Variants in RBMS3 observed in about 807,000 individuals in gnomAD.
RBMS3 encodes the protein RNA binding motif single stranded interacting protein 3.
RBMS3 carries 27 observed loss-of-function variants against 66.8 expected under a neutral mutation model. The observed-to-expected ratio is 0.40, with a 90% CI of 0.30 to 0.56. The LOEUF (loss-of-function observed/expected upper bound fraction) is 0.56. Ranked by LOEUF, RBMS3 falls within the 20% of genes least tolerant of loss-of-function variation. RBMS3 has a pLI of 0.40. For missense variants in RBMS3, 513 were observed against 549.5 expected (o/e 0.93, Z 0.66); for synonymous variants, 188 against 183.0 (o/e 1.03, Z -0.22).
At chr3:29,864,175 T>C (rs2059287817) in intron 6 of RBMS3, among the ~76,000 whole-genome samples, 1 of 152,170 alleles carries the variant, frequency 6.6e-6, no homozygotes, top group South Asian at 2.1e-4. Flanking sequence ...ATAGTTTTTC[T>C]AGTAGTAAAA....
intron 1 of RBMS3, among the ~76,000 whole-genome samples, chr3:29,323,577 A>G (rs2035133604): frequency 6.6e-6 from 1 of 152,000 alleles, no homozygotes; most frequent in Non-Finnish European, 1.5e-5. Context: ...GTAGAAAGAA[A>G]CAAACATCAG....
chr3:29,721,309 T>A (rs1055120858), intron 4 of RBMS3, among the ~76,000 whole-genome samples: 1 of 152,148 alleles, frequency 6.6e-6, no homozygotes, highest in Non-Finnish European at 1.5e-5. Context: ...GGAAGCCTTA[T>A]GTATATTTAT....
At chr3:29,631,534 G>T (rs2049281840) in intron 4 of RBMS3, among the ~76,000 whole-genome samples, 1 of 151,680 alleles carries the variant, frequency 6.6e-6, no homozygotes, top group South Asian at 2.1e-4. Context: ...AATAGTTTTA[G>T]AATATTATTA....
At chr3:29,932,273 C>T (rs1289123270) in intron 10 of RBMS3, among the ~76,000 whole-genome samples, 3 of 152,108 alleles carry the variant, frequency 2.0e-5, no homozygotes, top group African/African-American at 7.2e-5. Context: ...ATGTGATTAT[C>T]ACATAAAAGA....
chr3:29,345,302 A>T (rs921483955), intron 1 of RBMS3, among the ~76,000 whole-genome samples: 2 of 152,244 alleles, frequency 1.3e-5, no homozygotes, highest in African/African-American at 4.8e-5. Context: ...AAGAATGAAT[A>T]AATTGTCTCT....
At position 29,809,688 on chromosome 3, in the gene RBMS3, T is replaced by C. The variant is rs1445130933; in HGVS notation, c.637+46699T>C. Among the ~76,000 whole-genome samples, 3 of 152,138 alleles carry C rather than the reference T, an allele frequency of 2.0e-5. No homozygotes were observed. The East Asian group carries it at 5.8e-4, about 29-fold the overall frequency. On this transcript the variant is annotated intron_variant, in intron 6 of 14. Transcript: ENST00000383767. Reference sequence around the variant, plus strand: ...CTGTCACTATCTTCTCACAGATTTTTTTTTAGGAATTAGGAGAAAGTACCT... The same window carrying C: ...CTGTCACTATCTTCTCACAGATTTTCTTTTAGGAATTAGGAGAAAGTACCT...
Position 30,004,928 on chromosome 3 carries a change from A to G in RBMS3, c.*1066A>G, listed in dbSNP as rs1426343089. The G allele has an allele frequency of 2.0e-5, 3 of 150,426 alleles. No individual in the cohort carries two copies. Among genetic ancestry groups the G allele is most frequent in the Non-Finnish European group, 3.0e-5 (2 of 67,472 alleles). 9.3% of individuals were successfully genotyped at this position (150,426 alleles called of 1,614,324 possible). On this transcript the variant is annotated 3_prime_UTR_variant, in exon 15 of 15. Coordinates refer to ENST00000383767, the MANE Select transcript of RBMS3 (RefSeq NM_001003793.3). Reference sequence around the variant, plus strand: ...AAGTAGATAGGAGCTTATGGTCAAAAAGTGCAAAAAAAAAAACAAAAAAAA... The same window carrying G: ...AAGTAGATAGGAGCTTATGGTCAAAGAGTGCAAAAAAAAAAACAAAAAAAA...
At chr3:29,477,522 G>A (rs1050145939) in intron 2 of RBMS3, among the ~76,000 whole-genome samples, 8 of 152,010 alleles carry the variant, frequency 5.3e-5, no homozygotes, top group Non-Finnish European at 1.0e-4. Flanking sequence ...CTCATTGTTA[G>A]GATAAGAAAA....
At chr3:29,465,841 G>A (rs953801396) in intron 2 of RBMS3, among the ~76,000 whole-genome samples, 1 of 152,008 alleles carries the variant, frequency 6.6e-6, no homozygotes, top group African/African-American at 2.4e-5. Flanking sequence ...GATGTGCTTT[G>A]TTATTTTATT....
intron 3 of RBMS3, among the ~76,000 whole-genome samples, chr3:29,494,010 T>C (rs1426673534): frequency 6.6e-6 from 1 of 152,190 alleles, no homozygotes; most frequent in African/African-American, 2.4e-5. Context: ...GCAAAGGCTA[T>C]ACAATTAAAT....
At chr3:29,299,223 T>C (rs1464354212) in intron 1 of RBMS3, among the ~76,000 whole-genome samples, 2 of 151,522 alleles carry the variant, frequency 1.3e-5, no homozygotes, top group Non-Finnish European at 2.9e-5. Flanking sequence ...AGAAACATAA[T>C]ACAGGCACGA....
intron 6 of RBMS3, among the ~76,000 whole-genome samples, chr3:29,783,648 G>C (rs1291848114): frequency 1.3e-5 from 2 of 151,762 alleles, no homozygotes; most frequent in Non-Finnish European, 2.9e-5. Flanking sequence ...TTAAAAAAAA[G>C]TATTTAGTCA....
chr3:29,689,061 A>G (rs1325633976), intron 4 of RBMS3, among the ~76,000 whole-genome samples: 2 of 152,090 alleles, frequency 1.3e-5, no homozygotes, highest in Admixed American at 6.6e-5. Context: ...ACACATCTAT[A>G]TCTATTTCTA....
chr3:29,461,618 G>A (rs763686279), intron 2 of RBMS3, among the ~76,000 whole-genome samples: 7 of 152,164 alleles, frequency 4.6e-5, no homozygotes, highest in Non-Finnish European at 7.3e-5. Flanking sequence ...GTGGTTTTTC[G>A]TTTGTGAGAT....
chr3:29,837,556 T>G (rs2058545300), intron 6 of RBMS3, among the ~76,000 whole-genome samples: 1 of 150,614 alleles, frequency 6.6e-6, no homozygotes, highest in Non-Finnish European at 1.5e-5. Flanking sequence ...CCGTCTGTAT[T>G]GAGCTGCTCA....
At chr3:29,492,211 C>A (rs553115792) in intron 3 of RBMS3, among the ~76,000 whole-genome samples, 4 of 152,114 alleles carry the variant, frequency 2.6e-5, no homozygotes, top group Non-Finnish European at 5.9e-5. Context: ...AAATCATGAT[C>A]AAAAATATAC....
chr3:29,424,533 T>C (rs1329160151), intron 1 of RBMS3, among the ~76,000 whole-genome samples: 1 of 151,984 alleles, frequency 6.6e-6, no homozygotes, highest in Non-Finnish European at 1.5e-5. Flanking sequence ...CATTATGGAG[T>C]TGGGATGAGA....
chr3:29,303,758 T>C (rs2033829572), intron 1 of RBMS3, among the ~76,000 whole-genome samples: 2 of 152,020 alleles, frequency 1.3e-5, no homozygotes, highest in African/African-American at 2.4e-5. Flanking sequence ...GAAACTCTTT[T>C]CATAGCATAT....
At chr3:29,451,279 C>G (rs915221961) in intron 2 of RBMS3, among the ~76,000 whole-genome samples, 1 of 152,056 alleles carries the variant, frequency 6.6e-6, no homozygotes, top group African/African-American at 2.4e-5. Context: ...TTTTTATAAC[C>G]TCAAAATGCT....
Sources: allele counts gnomAD v4.1 joint callset (sites outside exome capture counted in the v4.1 genomes callset), GRCh38; gene constraint gnomAD v4.1.1; transcripts MANE v1.5; gene names NCBI Gene and HGNC (gene_info 2026-07-23, HGNC 2026-07-21).